LONRF2: variants seen among roughly 807,000 people sequenced by gnomAD.
LONRF2 encodes LON peptidase N-terminal domain and RING finger protein 2.
LONRF2 carries 35 observed loss-of-function variants against 66.6 expected under a neutral mutation model. The observed-to-expected ratio is 0.53, with a 90% CI of 0.40 to 0.70. LONRF2 has a LOEUF of 0.70. Ranked by LOEUF, LONRF2 falls within the 30% of genes least tolerant of loss-of-function variation. The probability of loss-of-function intolerance (pLI) is 0.00; values close to 1 mark genes in which losing one functional copy is unlikely to be tolerated. For synonymous variants in LONRF2, 417 were observed against 418.1 expected (o/e 1.00, Z 0.03); for missense variants, 902 against 1,002.1 (o/e 0.90, Z 1.35).
In LONRF2 at chr2:100,309,196, G is replaced by T; in HGVS notation, c.709C>A (p.Arg237=). 1 of 1,607,180 alleles carries T rather than the reference G, an allele frequency of 6.2e-7. No individual in the cohort carries two copies. Among genetic ancestry groups the T allele is most frequent in the Non-Finnish European group, 8.5e-7 (1 of 1,178,014 alleles). Residue 237 remains arginine (R), a synonymous_variant, in exon 2 of 12, where the codon CGG becomes AGG. Transcript: ENST00000393437. The stretch of plus-strand genomic sequence containing the variant: ...TTCATGGTCAAATATAACTCCGCCC[G>T]CAGCAGCAATAATGAATTATCATCA... The part of the protein sequence containing the change: ...APDDNSLLLL[R]AELYLTMKNY...
At chr2:100,311,805 C>T (rs1385634182) in intron 1 of LONRF2, among the ~76,000 whole-genome samples, 1 of 152,132 alleles carries the variant, frequency 6.6e-6, no homozygotes, top group South Asian at 2.1e-4. Context: ...TGAGAGATTA[C>T]ATATAGTTAT....
intron 11 of LONRF2, among the ~76,000 whole-genome samples, chr2:100,284,784 T>C (rs1674811813): frequency 6.6e-6 from 1 of 152,228 alleles, no homozygotes; most frequent in South Asian, 2.1e-4. Context: ...TAAGAGTATA[T>C]ACCAGTCAGA....
At chr2:100,304,658 C>T (rs1197921790) in intron 2 of LONRF2, among the ~76,000 whole-genome samples, 8 of 124,248 alleles carry the variant, frequency 6.4e-5, no homozygotes, top group African/African-American at 1.6e-4. Context: ...GAGTCTTGCT[C>T]GCTCGTCCAG....
intron 2 of LONRF2, 145 bp downstream of exon 2, chr2:100,308,962 G>A (rs753798127): frequency 1.0e-5 from 5 of 500,242 alleles, no homozygotes; most frequent in Non-Finnish European, 1.8e-5. Flanking sequence ...TTTAGTGTGA[G>A]GTGGATTGCT....
rs777776322 is a variant in LONRF2, at chr2:100,302,949, C to T, written c.893G>A (p.Cys298Tyr). The change falls in exon 3 of 12, where the codon TGT becomes TAT. Residue 298 changes from cysteine (C) to tyrosine (Y), a missense_variant. Around this residue, in one of 2 missense-constraint regions of LONRF2, gnomAD observed 585 missense variants for 569.9 expected, o/e 1.03. Transcript: ENST00000393437. The part of the protein sequence containing the change: ...FLYCLALNPE[C>Y]NSVKKEAQKV... The stretch of plus-strand genomic sequence containing the variant: ...CTGTGCTTCTTTCTTCACAGAGTTA[C>T]ATTCAGGATTCAGAGCAAGGCAGTA... 1 of 1,609,734 alleles carries T rather than the reference C, an allele frequency of 6.2e-7. No individual in the cohort carries two copies. The highest frequency in any genetic ancestry group is 8.5e-7 in the Non-Finnish European group (1 of 1,177,780).
At chr2:100,318,750 T>C (rs759003396) in intron 1 of LONRF2, among the ~76,000 whole-genome samples, 4 of 150,716 alleles carry the variant, frequency 2.7e-5, no homozygotes, top group Admixed American at 6.6e-5. Flanking sequence ...AGAATCACCC[T>C]TGAACCCAGG....
At chr2:100,287,784 C>T (rs989610962) in intron 10 of LONRF2, among the ~76,000 whole-genome samples, 1 of 152,172 alleles carries the variant, frequency 6.6e-6, no homozygotes, top group Non-Finnish European at 1.5e-5. Context: ...CTGGGAATCA[C>T]GGGGCCAGGG....
intron 9 of LONRF2, among the ~76,000 whole-genome samples, chr2:100,292,448 C>T (rs1462934060): frequency 2.0e-5 from 3 of 152,196 alleles, no homozygotes; most frequent in Non-Finnish European, 4.4e-5. Context: ...TTTTATGTCT[C>T]TTCCTGGGCT....
At position 100,277,122 on chromosome 2, in the gene LONRF2, C is replaced by T. The variant is rs1674616953; in HGVS notation, c.*7176G>A. The T allele has an allele frequency of 6.6e-6, 1 of 152,188 alleles. No homozygotes were observed. The highest frequency in any genetic ancestry group is 6.5e-5 in the Admixed American group (1 of 15,284). 9.4% of individuals were successfully genotyped at this position (152,188 alleles called of 1,614,324 possible). A position where few individuals can be genotyped will look rare whatever the true frequency, so the allele number is the denominator to read the frequency against. On this transcript the variant is annotated 3_prime_UTR_variant, in exon 12 of 12. Coordinates refer to ENST00000393437, the MANE Select transcript of LONRF2 (RefSeq NM_198461.4). ...TAAATGGGGCACCCTCCATAAACAACCTCTATAATCAAACCTTAAAATCCA... is the reference window on the plus strand; with the variant it reads ...TAAATGGGGCACCCTCCATAAACAATCTCTATAATCAAACCTTAAAATCCA...
chr2:100,291,233 G>C (rs1386815296), intron 9 of LONRF2, among the ~76,000 whole-genome samples: 1 of 152,076 alleles, frequency 6.6e-6, no homozygotes, highest in Non-Finnish European at 1.5e-5. Context: ...CAGAGTGCAG[G>C]TCTGGAGAGC....
Position 100,274,125 on chromosome 2 carries a change from A to G in LONRF2, c.*10173T>C, listed in dbSNP as rs1474262275. The G allele has an allele frequency of 6.6e-6, 1 of 152,094 alleles. No individual in the cohort carries two copies. The highest frequency in any genetic ancestry group is 1.5e-5 in the Non-Finnish European group (1 of 68,010). 9.4% of individuals were successfully genotyped at this position (152,094 alleles called of 1,614,324 possible). Reference sequence around the variant, plus strand: ...TTGCAAACTCCATCTTCATCCTTCAAAGGTCACATGCGCCAACCAGCCGAG... The same window carrying G: ...TTGCAAACTCCATCTTCATCCTTCAGAGGTCACATGCGCCAACCAGCCGAG... On this transcript the variant is annotated 3_prime_UTR_variant, in exon 12 of 12. Transcript: ENST00000393437.
At position 100,280,566 on chromosome 2, in the gene LONRF2, G is replaced by C. The variant is rs1180693618; in HGVS notation, c.*3732C>G. 2.6e-5 allele frequency: 4 copies of C among 151,992 alleles called. No homozygotes were observed. The highest frequency in any genetic ancestry group is 9.7e-5 in the African/African-American group (4 of 41,370). 9.4% of individuals were successfully genotyped at this position (151,992 alleles called of 1,614,324 possible). A position where few individuals can be genotyped will look rare whatever the true frequency, so the allele number is the denominator to read the frequency against. On this transcript the variant is annotated 3_prime_UTR_variant, in exon 12 of 12. Transcript: ENST00000393437. Reference sequence around the variant, plus strand: ...CGAGGCGGGCAGATCATGGGGTCAGGAGTTCGAGACCAGCCTGACCAACAT... The same window carrying C: ...CGAGGCGGGCAGATCATGGGGTCAGCAGTTCGAGACCAGCCTGACCAACAT...
Position 100,291,187 on chromosome 2 carries a change from T to TTA in LONRF2, c.1758-768_1758-767insTA, listed in dbSNP as rs1553540062. Among the ~76,000 whole-genome samples the TTA allele has an allele frequency of 4.4e-3, 664 of 151,272 alleles. 5 individuals are homozygous for TTA. The highest frequency in any genetic ancestry group is 0.015 in the African/African-American group (633 of 41,226). ...AGGAAGCATTCAGCTATTTTTTTTT[T>TTA]AAACAAATTGCCAATGACCTTGTGT... On this transcript the variant is annotated intron_variant, in intron 9 of 11. Coordinates refer to ENST00000393437, the MANE Select transcript of LONRF2 (RefSeq NM_198461.4).
chr2:100,314,226 A>G (rs1675461894), intron 1 of LONRF2, among the ~76,000 whole-genome samples: 1 of 152,204 alleles, frequency 6.6e-6, no homozygotes, highest in South Asian at 2.1e-4. Context: ...TCCATCAGTA[A>G]TTTAAGAGTT....
In LONRF2 at chr2:100,284,403, G is replaced by C; in HGVS notation, c.2160C>G (p.Thr720=). ...RKAQLAILGM[T]SLKERLLAIR... ...TGGCAAGGAGCCGCTCTTTGAGCGA[G>C]GTCATGCCGAGGATGGCCAGCTGAG... Residue 720 remains threonine, a synonymous_variant, in exon 12 of 12, where the codon ACC becomes ACG. Coordinates refer to ENST00000393437, the MANE Select transcript of LONRF2 (RefSeq NM_198461.4). 1 of 1,604,696 alleles carries C rather than the reference G, an allele frequency of 6.2e-7. No individual in the cohort carries two copies. Among genetic ancestry groups the C allele is most frequent in the Non-Finnish European group, 8.5e-7 (1 of 1,175,884 alleles).
chr2:100,294,650 C>T (rs554983859), intron 8 of LONRF2, among the ~76,000 whole-genome samples: 2 of 152,238 alleles, frequency 1.3e-5, no homozygotes, highest in Non-Finnish European at 2.9e-5. Flanking sequence ...AAAGTTATAC[C>T]TTTTAAGCAC....
Position 100,274,343 on chromosome 2 carries a change from A to G in LONRF2, c.*9955T>C, listed in dbSNP as rs575908229. The G allele has an allele frequency of 6.6e-6, 1 of 152,220 alleles. No individual in the cohort carries two copies. Among genetic ancestry groups the G allele is most frequent in the Non-Finnish European group, 1.5e-5 (1 of 68,058 alleles). 9.4% of individuals were successfully genotyped at this position (152,220 alleles called of 1,614,324 possible). On this transcript the variant is annotated 3_prime_UTR_variant, in exon 12 of 12. Coordinates refer to ENST00000393437, the MANE Select transcript of LONRF2 (RefSeq NM_198461.4). ...TGCTCCTGAGCTCCTAAACACACCA[A>G]GGGGTGCTTGAAGGTCCAGGCCCGC...
intron 6 of LONRF2, 44 bp from the exon 7 acceptor site, chr2:100,298,994 A>G: frequency 6.9e-7 from 1 of 1,459,210 alleles, no homozygotes; most frequent in South Asian, 1.1e-5. Flanking sequence ...TCCAGGACAG[A>G]CTTTCAAATC....
At chr2:100,306,529 T>C (rs1223208164) in intron 2 of LONRF2, among the ~76,000 whole-genome samples, 2 of 152,204 alleles carry the variant, frequency 1.3e-5, no homozygotes, top group Non-Finnish European at 2.9e-5. Context: ...AAACTAATCA[T>C]GTGCCTATAT....
Sources: allele counts gnomAD v4.1 joint callset (sites outside exome capture counted in the v4.1 genomes callset), GRCh38; gene constraint gnomAD v4.1.1; regional missense constraint gnomAD v4.1.1; transcripts MANE v1.5; gene names NCBI Gene and HGNC (gene_info 2026-07-23, HGNC 2026-07-21).